The following SPEF2 variants were observed in gnomAD, a reference collection of about 807,000 sequenced individuals.
The protein encoded by SPEF2 is sperm flagella and cilia-associated protein 2.
A neutral mutation model predicts 224.6 loss-of-function variants in SPEF2; 187 were observed. The ratio of observed to expected loss-of-function variants is 0.83; its 90% CI spans 0.74 to 0.94. SPEF2 has a LOEUF of 0.94. Ranked by LOEUF, SPEF2 falls within the 40% of genes least tolerant of loss-of-function variation. SPEF2 has a pLI of 0.00. For synonymous variants in SPEF2, 715 were observed against 707.3 expected, an observed-to-expected ratio of 1.01 and a Z score of -0.17; for missense variants, 2,170 against 2,135.6, an observed-to-expected ratio of 1.02 and a Z score of -0.32.
At chr5:35,689,868 T>C (rs2149528617) in intron 10 of SPEF2, among the ~76,000 whole-genome samples, 1 of 152,290 alleles carries the variant, frequency 6.6e-6, no homozygotes, top group African/African-American at 2.4e-5. Context: ...ACATTGATAC[T>C]TACTATTCTT....
intron 30 of SPEF2, among the ~76,000 whole-genome samples, chr5:35,786,803 T>C (rs1755206113): frequency 6.6e-6 from 1 of 152,216 alleles, no homozygotes; most frequent in Admixed American, 6.5e-5. Flanking sequence ...GAGATTAATT[T>C]TCTTAAACAT....
chr5:35,661,144 C>T (rs1462941142), intron 8 of SPEF2, among the ~76,000 whole-genome samples: 1 of 150,948 alleles, frequency 6.6e-6, no homozygotes, highest in Non-Finnish European at 1.5e-5. Context: ...TAACAGTCAC[C>T]TCTTCTTTCC....
At chr5:35,684,229 C>T (rs1255998557) in intron 10 of SPEF2, among the ~76,000 whole-genome samples, 3 of 152,250 alleles carry the variant, frequency 2.0e-5, no homozygotes, top group Middle Eastern at 3.4e-3. Flanking sequence ...TCTTCTTTCT[C>T]CAGTTCTTCT....
chr5:35,702,573 C>T (rs1738869105), intron 16 of SPEF2, among the ~76,000 whole-genome samples: 1 of 152,182 alleles, frequency 6.6e-6, no homozygotes, highest in African/African-American at 2.4e-5. Context: ...GAAGGGGCTT[C>T]TGGGACCGAT....
At chr5:35,644,835 T>C (rs892439499) in intron 4 of SPEF2, among the ~76,000 whole-genome samples, 1 of 152,190 alleles carries the variant, frequency 6.6e-6, no homozygotes, top group African/African-American at 2.4e-5. Context: ...GGAGGGTTGC[T>C]ATTAGCTACC....
chr5:35,809,217 A>G (rs55651836), intron 36 of SPEF2, among the ~76,000 whole-genome samples: 2,669 of 152,234 alleles, frequency 0.018, 86 homozygotes, highest in African/African-American at 0.061. Context: ...ATCACCTACT[A>G]CTGAGACCCG....
intron 10 of SPEF2, among the ~76,000 whole-genome samples, chr5:35,681,699 T>C (rs1476933899): frequency 6.6e-6 from 1 of 152,196 alleles, no homozygotes; most frequent in Non-Finnish European, 1.5e-5. Flanking sequence ...TTCATAAATT[T>C]TTTTTGTGCA....
At chr5:35,685,884 T>C (rs1753541111) in intron 10 of SPEF2, among the ~76,000 whole-genome samples, 1 of 151,540 alleles carries the variant, frequency 6.6e-6, no homozygotes, top group Admixed American at 6.6e-5. Flanking sequence ...AAAATCTAAC[T>C]GACTTAAGGC....
intron 36 of SPEF2, among the ~76,000 whole-genome samples, chr5:35,811,619 G>C (rs11952663): frequency 0.16 from 24,229 of 151,250 alleles, 2,482 homozygotes; most frequent in Non-Finnish European, 0.22. Flanking sequence ...CTCATGGTGG[G>C]GGGGGTGGGG....
intron 1 of SPEF2, 116 bp downstream of exon 1, chr5:35,618,171 G>C: frequency 2.7e-6 from 3 of 1,122,800 alleles, no homozygotes; most frequent in Non-Finnish European, 3.9e-6. Context: ...CACAGGTGGG[G>C]CACCTGCGTA....
intron 30 of SPEF2, 30 bp from the exon 31 acceptor site, chr5:35,792,310 A>T: frequency 6.4e-7 from 1 of 1,571,758 alleles, no homozygotes; most frequent in Non-Finnish European, 8.7e-7. Flanking sequence ...ACCTAAACCA[A>T]GTGACAAAAT....
At chr5:35,673,707 G>A (rs1269722068) in intron 10 of SPEF2, among the ~76,000 whole-genome samples, 1 of 152,188 alleles carries the variant, frequency 6.6e-6, no homozygotes, top group Non-Finnish European at 1.5e-5. Flanking sequence ...TTAAGTTCAT[G>A]ATCAGGTGAG....
At chr5:35,672,798 C>A (rs546715054) in intron 10 of SPEF2, among the ~76,000 whole-genome samples, 4 of 152,216 alleles carry the variant, frequency 2.6e-5, no homozygotes, top group Non-Finnish European at 5.9e-5. Context: ...TGTCCATACC[C>A]TATACCTTTA....
rs1580692368 is a variant in SPEF2 at position 35,775,929 on chromosome 5, G to A, written c.4079-328G>A. Among the ~76,000 whole-genome samples the A allele has an allele frequency of 3.9e-5, 6 of 152,282 alleles. No individual in the cohort carries two copies. The East Asian group carries it at 1.2e-3, about 29-fold the overall frequency. The stretch of plus-strand genomic sequence containing the variant: ...GCCACCCCAGGTTCTAAAGTAAGGA[G>A]ATAAGCACGGTCCCCACTCCCTTTT... On this transcript the variant is annotated intron_variant, in intron 28 of 36. Coordinates refer to ENST00000356031, the MANE Select transcript of SPEF2 (RefSeq NM_024867.4).
chr5:35,760,179 G>C (rs1751038211), intron 25 of SPEF2, among the ~76,000 whole-genome samples: 2 of 151,972 alleles, frequency 1.3e-5, no homozygotes, highest in African/African-American at 4.8e-5. Flanking sequence ...GGCTAACACG[G>C]TGAAACCCCG....
intron 1 of SPEF2, among the ~76,000 whole-genome samples, chr5:35,625,735 CAGA>C (rs1238563198): frequency 1.3e-5 from 2 of 152,068 alleles, no homozygotes; most frequent in East Asian, 3.9e-4. Context: ...AAGCAACAGA[CAGA>C]AGAGGTGAAA....
At chr5:35,782,664 T>C (rs989109963) in intron 30 of SPEF2, among the ~76,000 whole-genome samples, 3 of 152,008 alleles carry the variant, frequency 2.0e-5, no homozygotes, top group Non-Finnish European at 2.9e-5. Context: ...TGCAACTAGA[T>C]AGTATCAAGA....
At position 35,726,866 on chromosome 5, in the gene SPEF2, C is replaced by T. The variant is rs577279252; in HGVS notation, c.2915-809C>T. Reference sequence around the variant, plus strand: ...GACCAAGGTTGTTCATACCATAGGGCGCCACTTAACAGATCTAGATTCCCC... The same window carrying T: ...GACCAAGGTTGTTCATACCATAGGGTGCCACTTAACAGATCTAGATTCCCC... On this transcript the variant is annotated intron_variant, in intron 20 of 36. Transcript: ENST00000356031. Among the ~76,000 whole-genome samples the T allele has an allele frequency of 5.3e-5, 8 of 152,190 alleles. No individual in the cohort carries two copies. The South Asian group carries it at 6.2e-4, about 12-fold the overall frequency.
At chr5:35,706,523 AAAAT>A (rs1429094535) in intron 18 of SPEF2, among the ~76,000 whole-genome samples, 2 of 152,106 alleles carry the variant, frequency 1.3e-5, no homozygotes, top group East Asian at 3.8e-4. Flanking sequence ...CAAGATTTGA[AAAAT>A]AAATCTTTCT....
Sources: allele counts gnomAD v4.1 joint callset (sites outside exome capture counted in the v4.1 genomes callset), GRCh38; gene constraint gnomAD v4.1.1; transcripts MANE v1.5; gene names NCBI Gene and HGNC (gene_info 2026-07-23, HGNC 2026-07-21).